The following TWIST2 variants were observed in gnomAD, a reference collection of about 807,000 sequenced individuals.
The protein encoded by TWIST2 is twist family bHLH transcription factor 2, also known as twist-related protein 2.
In TWIST2, 1 loss-of-function variant was observed where a neutral mutation model predicts 11.6. That is an observed-to-expected ratio of 0.09 (90% CI 0.03 to 0.41). The LOEUF is 0.41. Ranked by LOEUF, TWIST2 falls within the 10% of genes least tolerant of loss-of-function variation. The pLI, the probability that TWIST2 is intolerant of heterozygous loss-of-function variation, is 0.98. For synonymous variants in TWIST2, 87 were observed against 96.6 expected, an observed-to-expected ratio of 0.90 and a Z score of 0.58; for missense variants, 168 against 226.4, an observed-to-expected ratio of 0.74 and a Z score of 1.66.
intron 1 of TWIST2, among the ~76,000 whole-genome samples, chr2:238,902,478 G>A (rs1405838261): frequency 6.6e-6 from 1 of 151,408 alleles, no homozygotes; most frequent in African/African-American, 2.4e-5. Flanking sequence ...GGTGTGAGGT[G>A]TGTGTGTGAT....
intron 1 of TWIST2, among the ~76,000 whole-genome samples, chr2:238,861,852 T>A (rs562297181): frequency 4.6e-5 from 7 of 152,306 alleles, no homozygotes; most frequent in African/African-American, 1.7e-4. Flanking sequence ...CTTGATGAAA[T>A]CTCGAGCTGT....
intron 1 of TWIST2, among the ~76,000 whole-genome samples, chr2:238,906,592 C>G (rs1313753835): frequency 6.6e-6 from 1 of 150,610 alleles, no homozygotes; most frequent in Non-Finnish European, 1.5e-5. Flanking sequence ...TGCACATGGA[C>G]ACACACTCAC....
At chr2:238,889,186 C>T (rs937942632) in intron 1 of TWIST2, among the ~76,000 whole-genome samples, 2 of 152,112 alleles carry the variant, frequency 1.3e-5, no homozygotes, top group Non-Finnish European at 1.5e-5. Flanking sequence ...TTCAGTTCCC[C>T]GAATTACACT....
chr2:238,892,039 T>A (rs548200695), intron 1 of TWIST2, among the ~76,000 whole-genome samples: 2 of 152,258 alleles, frequency 1.3e-5, no homozygotes, highest in Non-Finnish European at 2.9e-5. Flanking sequence ...CGCTGAGCCA[T>A]GCGGGTGCTG....
At chr2:238,877,859 A>G (rs1692834784) in intron 1 of TWIST2, among the ~76,000 whole-genome samples, 1 of 152,214 alleles carries the variant, frequency 6.6e-6, no homozygotes, top group Admixed American at 6.5e-5. Context: ...AACTTATGAA[A>G]AAGAAAAGTG....
At chr2:238,881,759 C>T (rs369001323) in intron 1 of TWIST2, among the ~76,000 whole-genome samples, 3 of 152,140 alleles carry the variant, frequency 2.0e-5, no homozygotes, top group African/African-American at 7.2e-5. Context: ...CAAGTCCCAG[C>T]AGGAATGCTG....
chr2:238,902,982 T>G, intron 1 of TWIST2, among the ~76,000 whole-genome samples: 1 of 26,728 alleles, frequency 3.7e-5, no homozygotes, highest in African/African-American at 1.9e-4. Flanking sequence ...GTGATGTGGG[T>G]GTGTGATGGG....
At chr2:238,902,647 TG>T (rs1693284166) in intron 1 of TWIST2, among the ~76,000 whole-genome samples, 1 of 141,872 alleles carries the variant, frequency 7.0e-6, no homozygotes, top group Non-Finnish European at 1.5e-5. Context: ...AGGTGTGTGA[TG>T]GTGTGTGTGT....
intron 1 of TWIST2, among the ~76,000 whole-genome samples, chr2:238,860,675 C>T (rs925123171): frequency 1.3e-5 from 2 of 152,204 alleles, no homozygotes; most frequent in Non-Finnish European, 2.9e-5. Flanking sequence ...CAGTGGCTCA[C>T]GCCTGTAATC....
intron 1 of TWIST2, among the ~76,000 whole-genome samples, chr2:238,873,408 C>T (rs898355197): frequency 6.6e-6 from 1 of 152,098 alleles, no homozygotes; most frequent in Non-Finnish European, 1.5e-5. Flanking sequence ...GAAGAAATGA[C>T]GCTTGAGCAG....
chr2:238,893,949 C>G (rs898804248), intron 1 of TWIST2, among the ~76,000 whole-genome samples: 1 of 152,052 alleles, frequency 6.6e-6, no homozygotes. Flanking sequence ...GGTGTCAGTT[C>G]TCCCCGGCCT....
intron 1 of TWIST2, among the ~76,000 whole-genome samples, chr2:238,874,144 C>G (rs935697846): frequency 6.6e-6 from 1 of 152,254 alleles, no homozygotes; most frequent in Non-Finnish European, 1.5e-5. Flanking sequence ...ATCCCATGTG[C>G]AAAGAGGACC....
At chr2:238,905,764 A>G (rs1693331722) in intron 1 of TWIST2, among the ~76,000 whole-genome samples, 1 of 152,134 alleles carries the variant, frequency 6.6e-6, no homozygotes, top group African/African-American at 2.4e-5. Context: ...TCTCCAAGAG[A>G]GAGCAGCCTT....
intron 1 of TWIST2, among the ~76,000 whole-genome samples, chr2:238,875,648 G>A (rs1246495061): frequency 6.6e-6 from 1 of 152,154 alleles, no homozygotes; most frequent in Non-Finnish European, 1.5e-5. Flanking sequence ...AGAAAGTGCC[G>A]TGAACTTCAG....
intron 1 of TWIST2, among the ~76,000 whole-genome samples, chr2:238,907,589 G>C (rs1693374349): frequency 6.6e-6 from 1 of 152,116 alleles, no homozygotes; most frequent in African/African-American, 2.4e-5. Flanking sequence ...TGTGGCATGA[G>C]GGGACCTTGT....
rs1273711736 is a variant in TWIST2 at position 238,866,495 on chromosome 2, A to C, written c.*35+17762A>C. Among the ~76,000 whole-genome samples, 1 of 152,156 alleles carries C rather than the reference A, an allele frequency of 6.6e-6. No individual in the cohort carries two copies. The highest frequency in any genetic ancestry group is 1.9e-4 in the East Asian group (1 of 5,178). Reference sequence around the variant, plus strand: ...AACATGGTGAAACCCCGTCTCTGCCAAAAATAGAAAAATTAGCTGGGCATG... The same window carrying C: ...AACATGGTGAAACCCCGTCTCTGCCCAAAATAGAAAAATTAGCTGGGCATG... On this transcript the variant is annotated intron_variant, in intron 1 of 1. Transcript: ENST00000612363. This position sits in a 1 kb window ranked among gnomAD's most constrained non-coding sequence, Gnocchi z 4.9.
At chr2:238,885,917 G>A (rs1693026430) in intron 1 of TWIST2, among the ~76,000 whole-genome samples, 1 of 151,910 alleles carries the variant, frequency 6.6e-6, no homozygotes, top group Non-Finnish European at 1.5e-5. Flanking sequence ...ACAACATGGT[G>A]AAAACCTATC....
At chr2:238,876,011 G>A (rs1239648593) in intron 1 of TWIST2, among the ~76,000 whole-genome samples, 1 of 152,214 alleles carries the variant, frequency 6.6e-6, no homozygotes, top group Non-Finnish European at 1.5e-5. Context: ...CCCTGGCCAG[G>A]GTTCACATCG....
intron 1 of TWIST2, among the ~76,000 whole-genome samples, chr2:238,907,192 C>G (rs1326647659): frequency 6.6e-6 from 1 of 152,182 alleles, no homozygotes; most frequent in Non-Finnish European, 1.5e-5. Flanking sequence ...CGCCACACTC[C>G]CGACCAGGTG....
Sources: gnomAD v4.1 joint callset for allele counts (sites outside exome capture counted in the v4.1 genomes callset) on GRCh38, gnomAD v4.1.1 for gene constraint, Gnocchi (gnomAD v3.1) non-coding constraint, MANE v1.5 for transcripts, NCBI Gene and HGNC (gene_info 2026-07-23, HGNC 2026-07-21) for gene names.